The following ARMH4 variants were observed in gnomAD, a reference collection of about 807,000 sequenced individuals.
The protein encoded by ARMH4 is armadillo-like helical domain-containing protein 4.
ARMH4 carries 49 observed loss-of-function variants against 61.9 expected under a neutral mutation model. That is an observed-to-expected ratio of 0.79 (90% CI 0.63 to 1.00). The LOEUF is 1.00. Ranked by LOEUF, ARMH4 falls within the 50% of genes least tolerant of loss-of-function variation. The probability of loss-of-function intolerance (pLI) is 0.00; values close to 1 mark genes in which losing one functional copy is unlikely to be tolerated. For missense variants in ARMH4, 934 were observed against 930.0 expected, an observed-to-expected ratio of 1.00 and a Z score of -0.06; for synonymous variants, 368 against 341.5, an observed-to-expected ratio of 1.08 and a Z score of -0.85.
intron 4 of ARMH4, among the ~76,000 whole-genome samples, chr14:58,106,465 C>G (rs10134110): frequency 0.47 from 71,632 of 152,090 alleles, 17,877 homozygotes; most frequent in Middle Eastern, 0.61. Context: ...AAACATTAAA[C>G]AGAAATGTCA....
chr14:58,134,924 T>A (rs1594777837), intron 2 of ARMH4, among the ~76,000 whole-genome samples: 1 of 133,882 alleles, frequency 7.5e-6, no homozygotes, highest in Admixed American at 8.3e-5. Context: ...GCCACTACAC[T>A]CCAGCCTAGA....
At chr14:58,029,824 G>C (rs1883163074) in intron 5 of ARMH4, among the ~76,000 whole-genome samples, 1 of 152,040 alleles carries the variant, frequency 6.6e-6, no homozygotes, top group Non-Finnish European at 1.5e-5. Flanking sequence ...ATAAAATATT[G>C]ACATATAACC....
At chr14:58,036,606 A>C (rs1054110408) in intron 5 of ARMH4, among the ~76,000 whole-genome samples, 9 of 128,520 alleles carry the variant, frequency 7.0e-5, no homozygotes, top group Middle Eastern at 3.7e-3. Flanking sequence ...AGAGGAAGTC[A>C]AATTGTCCCT....
chr14:58,072,704 A>G (rs1055962854), intron 5 of ARMH4, among the ~76,000 whole-genome samples: 5 of 152,010 alleles, frequency 3.3e-5, no homozygotes, highest in African/African-American at 1.2e-4. Flanking sequence ...CCTGCGCAAC[A>G]GAGTGAGACT....
rs772692558 is a variant in ARMH4, at chr14:58,131,632, G to A, written c.1711C>T (p.Pro571Ser). 3 of 1,614,002 alleles carry A rather than the reference G, an allele frequency of 1.9e-6. No individual in the cohort carries two copies. The highest frequency in any genetic ancestry group is 2.7e-5 in the African/African-American group (2 of 74,930). The change falls in exon 4 of 8, where the codon CCC becomes TCC. Residue 571 changes from proline to serine, a missense_variant. By Grantham distance (74) the Pro-to-Ser change is moderately conservative (BLOSUM62 -1). Transcript: ENST00000267485. Reference protein sequence around the residue: ...VTPPGIMVGEPSISPALPALE... With the variant: ...VTPPGIMVGESSISPALPALE... ...GCAGGAAGTGCAGGGGAAATGCTGG[G>A]TTCCCCCACCATTATTCCAGGAGGT...
At chr14:58,069,700 G>A (rs767818474) in intron 5 of ARMH4, among the ~76,000 whole-genome samples, 17 of 152,144 alleles carry the variant, frequency 1.1e-4, no homozygotes, top group African/African-American at 3.6e-4. Flanking sequence ...GAAATTTGAC[G>A]TACAGCATCA....
intron 4 of ARMH4, among the ~76,000 whole-genome samples, chr14:58,106,557 C>T (rs1177695318): frequency 6.6e-6 from 1 of 152,162 alleles, no homozygotes; most frequent in Non-Finnish European, 1.5e-5. Context: ...TGTCCTGTTG[C>T]AAGTGGCAGG....
At chr14:58,068,730 C>T (rs1471055260) in intron 5 of ARMH4, among the ~76,000 whole-genome samples, 3 of 151,942 alleles carry the variant, frequency 2.0e-5, no homozygotes, top group Non-Finnish European at 4.4e-5. Flanking sequence ...CTCTAGGCCA[C>T]GCGCGGTGGC....
chr14:58,034,246 A>G (rs1883383020), intron 5 of ARMH4, among the ~76,000 whole-genome samples: 1 of 133,942 alleles, frequency 7.5e-6, no homozygotes, highest in Admixed American at 7.3e-5. Flanking sequence ...GGGGGCCAAT[A>G]TTCAACATTC....
intron 4 of ARMH4, among the ~76,000 whole-genome samples, chr14:58,104,701 T>C (rs773326075): frequency 5.9e-5 from 9 of 152,352 alleles, no homozygotes; most frequent in Non-Finnish European, 1.2e-4. Flanking sequence ...ATAATGTATG[T>C]TATAGCAACT....
At chr14:58,039,092 G>A (rs1883592482) in intron 5 of ARMH4, among the ~76,000 whole-genome samples, 1 of 152,218 alleles carries the variant, frequency 6.6e-6, no homozygotes, top group Non-Finnish European at 1.5e-5. Flanking sequence ...CACCTGTGCA[G>A]ACTCATTCCT....
rs764031022 is a variant in ARMH4 at position 58,139,437 on chromosome 14, A to G, written c.-56-23T>C. ...ATCCTGCAGAAAAATAAAGCATATC[A>G]AACTGTCATATAAATACATGTTGTA... On this transcript the variant is annotated intron_variant, in intron 1 of 7. Coordinates refer to ENST00000267485, the MANE Select transcript of ARMH4 (RefSeq NM_001001872.4). The G allele has an allele frequency of 6.4e-5, 83 of 1,293,072 alleles. 1 individual carries two copies. In the Middle Eastern group the frequency reaches 9.3e-4, roughly 14 times the overall value. The allele number at this position is 1,293,072 out of a possible 1,614,324, so 80.1% of individuals were successfully genotyped here.
intron 6 of ARMH4, among the ~76,000 whole-genome samples, chr14:58,008,577 T>C (rs921334333): frequency 6.6e-6 from 1 of 152,234 alleles, no homozygotes; most frequent in African/African-American, 2.4e-5. Context: ...AATGATATGC[T>C]GTACTGCCTA....
At chr14:58,132,467 C>G (rs1012443314) in intron 3 of ARMH4, among the ~76,000 whole-genome samples, 1 of 152,086 alleles carries the variant, frequency 6.6e-6, no homozygotes, top group Non-Finnish European at 1.5e-5. Flanking sequence ...CTCATCCCCC[C>G]CGGCTCCTAG....
chr14:58,139,445 A>G, intron 1 of ARMH4, 31 bp from the exon 2 acceptor site: 1 of 1,189,404 alleles, frequency 8.4e-7, no homozygotes, highest in African/African-American at 1.5e-5. Flanking sequence ...TCAAACTGTC[A>G]TATAAATACA....
intron 5 of ARMH4, among the ~76,000 whole-genome samples, chr14:58,023,441 C>T (rs537237573): frequency 6.6e-6 from 1 of 152,294 alleles, no homozygotes; most frequent in South Asian, 2.1e-4. Flanking sequence ...GAGACTGCAG[C>T]AATTCAGTCA....
rs1446680212 is a variant in ARMH4 at position 58,005,091 on chromosome 14, A to G, written c.2213T>C (p.Met738Thr). The G allele has an allele frequency of 6.2e-7, 1 of 1,614,050 alleles. No individual in the cohort carries two copies. The highest frequency in any genetic ancestry group is 8.5e-7 in the Non-Finnish European group (1 of 1,179,966). ...GAAGCCATTTCTCCTTCGGCGATTC[A>G]TAACCTTAATGCTGTAGAGGGCTCC... ...ILGALYSIKV[M>T]NRRRRNGFKR... is the part of the protein sequence containing the mutation. Residue 738 changes from methionine (M) to threonine (T), a missense_variant, in exon 7 of 8, where the codon ATG (methionine) becomes ACG (threonine). By Grantham distance (81) the Met-to-Thr change is moderately conservative. Coordinates refer to ENST00000267485, the MANE Select transcript of ARMH4 (RefSeq NM_001001872.4).
At chr14:58,009,529 G>T (rs1028219869) in intron 6 of ARMH4, among the ~76,000 whole-genome samples, 2 of 151,982 alleles carry the variant, frequency 1.3e-5, no homozygotes, top group Non-Finnish European at 2.9e-5. Flanking sequence ...AGACAATAGG[G>T]GCCGGGCACA....
intron 5 of ARMH4, among the ~76,000 whole-genome samples, chr14:58,033,947 G>A (rs1291242684): frequency 1.6e-5 from 1 of 62,948 alleles, no homozygotes; most frequent in Non-Finnish European, 3.3e-5. Context: ...TGAAAGTGAT[G>A]TGGAGAATGG....
Sources: gnomAD v4.1 joint callset for allele counts (sites outside exome capture counted in the v4.1 genomes callset) on GRCh38, gnomAD v4.1.1 for gene constraint, MANE v1.5 for transcripts, NCBI Gene and HGNC (gene_info 2026-07-23, HGNC 2026-07-21) for gene names.